The following MCF2L2 variants were observed in gnomAD, a reference collection of about 807,000 sequenced individuals.
MCF2L2 encodes the protein MCF.2 cell line derived transforming sequence-like 2, also known as probable guanine nucleotide exchange factor MCF2L2.
A neutral mutation model predicts 150.2 loss-of-function variants in MCF2L2; 102 were observed. That is an observed-to-expected ratio of 0.68 (90% CI 0.58 to 0.80). The LOEUF (loss-of-function observed/expected upper bound fraction) is 0.80. Among genes scored for constraint, MCF2L2 ranks in the 30% least tolerant of loss-of-function variants. MCF2L2 has a pLI of 0.00. For missense variants in MCF2L2, 1,256 were observed against 1,372.8 expected (o/e 0.91, Z 1.34); for synonymous variants, 465 against 491.3 (o/e 0.95, Z 0.71).
chr3:183,427,465 C>T (rs1360470992), intron 1 of MCF2L2, among the ~76,000 whole-genome samples: 1 of 152,234 alleles, frequency 6.6e-6, no homozygotes, highest in Non-Finnish European at 1.5e-5. Flanking sequence ...CCTCTCCCTG[C>T]ACTTTCTTAT....
At chr3:183,196,215 C>T (rs191618214) in intron 25 of MCF2L2, among the ~76,000 whole-genome samples, 1 of 152,304 alleles carries the variant, frequency 6.6e-6, no homozygotes, top group East Asian at 1.9e-4. Flanking sequence ...ATACAATGTC[C>T]TCTTCTGTCT....
chr3:183,355,571 C>T (rs1020984210), intron 3 of MCF2L2, among the ~76,000 whole-genome samples: 7 of 149,468 alleles, frequency 4.7e-5, no homozygotes, highest in South Asian at 2.1e-4. Flanking sequence ...CTCAGCCTCC[C>T]GAGTAGCTGG....
At chr3:183,317,454 C>T (rs1283177611) in intron 7 of MCF2L2, among the ~76,000 whole-genome samples, 1 of 152,168 alleles carries the variant, frequency 6.6e-6, no homozygotes, top group East Asian at 1.9e-4. Flanking sequence ...ACCTGCCAAG[C>T]TCCCTTTTCT....
Position 183,259,754 on chromosome 3 carries a change from T to A in MCF2L2, c.1862+17118A>T, listed in dbSNP as rs376417725. Reference sequence around the variant, plus strand: ...TTTGGATCTCCATCCTTGGAGTCCCTGAATCTTTTTTGTGGTTGAAAGACT... The same window carrying A: ...TTTGGATCTCCATCCTTGGAGTCCCAGAATCTTTTTTGTGGTTGAAAGACT... On this transcript the variant is annotated intron_variant, in intron 15 of 29. Coordinates refer to ENST00000328913, the MANE Select transcript of MCF2L2 (RefSeq NM_015078.4). Among the ~76,000 whole-genome samples the A allele has an allele frequency of 2.0e-4, 30 of 152,254 alleles. No individual in the cohort carries two copies. In the South Asian group the frequency reaches 5.8e-3, roughly 29 times the overall value.
chr3:183,248,356 A>T (rs199534266), intron 15 of MCF2L2, among the ~76,000 whole-genome samples: 1 of 152,160 alleles, frequency 6.6e-6, no homozygotes, highest in East Asian at 1.9e-4. Flanking sequence ...TGCTATAAGG[A>T]AAATCTCAGC....
At chr3:183,391,711 T>C (rs1714164013) in intron 1 of MCF2L2, among the ~76,000 whole-genome samples, 1 of 152,188 alleles carries the variant, frequency 6.6e-6, no homozygotes, top group South Asian at 2.1e-4. Context: ...TCTTGCTACG[T>C]TTCAAATTTT....
intron 15 of MCF2L2, among the ~76,000 whole-genome samples, chr3:183,240,487 G>A (rs574403457): frequency 6.6e-6 from 1 of 152,312 alleles, no homozygotes; most frequent in African/African-American, 2.4e-5. Context: ...CAAAGTGCTG[G>A]GATTACAGGT....
Position 183,428,062 on chromosome 3 carries a change from GC to G in MCF2L2, c.-86del. On this transcript the variant is annotated 5_prime_UTR_variant, in exon 1 of 30. Transcript: ENST00000328913. This position sits in a 1 kb window ranked among gnomAD's most constrained non-coding sequence, Gnocchi z 5.1. ...TGGATGATTTTTTAAAGGCATCTCC[GC>G]CCAAGGATGCTCTGCCCTCGCCCTC... 1.0e-6 allele frequency: 1 copy of G among 997,586 alleles called. No individual in the cohort carries two copies. The highest frequency in any genetic ancestry group is 2.4e-5 in the East Asian group (1 of 41,864). 61.8% of individuals were successfully genotyped at this position (997,586 alleles called of 1,614,324 possible).
At chr3:183,327,628 T>C (rs1730106227) in intron 5 of MCF2L2, among the ~76,000 whole-genome samples, 1 of 152,220 alleles carries the variant, frequency 6.6e-6, no homozygotes, top group Non-Finnish European at 1.5e-5. Context: ...AAGCACGTAG[T>C]TTACTATGTC....
chr3:183,320,249 C>T (rs1379457227), intron 6 of MCF2L2, among the ~76,000 whole-genome samples: 3 of 152,036 alleles, frequency 2.0e-5, no homozygotes, highest in Admixed American at 6.6e-5. Flanking sequence ...CCCGCCACCA[C>T]GCCCAGCTAA....
chr3:183,383,882 G>A (rs762246972), intron 2 of MCF2L2, among the ~76,000 whole-genome samples: 2 of 152,118 alleles, frequency 1.3e-5, no homozygotes, highest in Non-Finnish European at 2.9e-5. Flanking sequence ...TGTTAAGTTT[G>A]TTCAAATGAC....
At chr3:183,245,662 T>C (rs1007932525) in intron 15 of MCF2L2, among the ~76,000 whole-genome samples, 3 of 152,156 alleles carry the variant, frequency 2.0e-5, no homozygotes, top group Admixed American at 6.5e-5. Context: ...TGTTCTTAAG[T>C]TTTACATCCT....
rs111311322 is a variant in MCF2L2 at position 183,250,594 on chromosome 3, G to GAA, written c.1863-19579_1863-19578dup. ...AGAGCGATACTTCGTTTCAAAAAAA[G>GAA]AAAAAAAAAAAAAAGAAAGAAATGT... is the stretch of plus-strand genomic sequence containing the variant. On this transcript the variant is annotated intron_variant, in intron 15 of 29. Coordinates refer to ENST00000328913, the MANE Select transcript of MCF2L2 (RefSeq NM_015078.4). Among the ~76,000 whole-genome samples, 9 of 104,248 alleles carry GAA rather than the reference G, an allele frequency of 8.6e-5. No homozygotes were observed. In the East Asian group the frequency reaches 1.0e-3, roughly 12 times the overall value. 68.4% of individuals were successfully genotyped at this position (104,248 alleles called of 152,430 possible).
At chr3:183,348,822 A>T (rs1731002042) in intron 3 of MCF2L2, among the ~76,000 whole-genome samples, 1 of 152,228 alleles carries the variant, frequency 6.6e-6, no homozygotes, top group South Asian at 2.1e-4. Flanking sequence ...AAGACATAAG[A>T]ATCCTAAATG....
At chr3:183,228,965 G>A (rs1723451889) in intron 17 of MCF2L2, among the ~76,000 whole-genome samples, 1 of 152,070 alleles carries the variant, frequency 6.6e-6, no homozygotes, top group African/African-American at 2.4e-5. Context: ...AACTTCTCTG[G>A]GGAAATCAAC....
At chr3:183,416,483 G>A (rs1715595142) in intron 1 of MCF2L2, among the ~76,000 whole-genome samples, 1 of 152,042 alleles carries the variant, frequency 6.6e-6, no homozygotes, top group Non-Finnish European at 1.5e-5. Context: ...ATTATATGCA[G>A]ACATTCCTCA....
At chr3:183,231,801 T>C (rs745323881) in intron 15 of MCF2L2, among the ~76,000 whole-genome samples, 2 of 152,124 alleles carry the variant, frequency 1.3e-5, no homozygotes, top group Non-Finnish European at 2.9e-5. Flanking sequence ...TTGTTGTACA[T>C]GGGGTTAGAT....
chr3:183,386,486 C>T (rs779557205), intron 2 of MCF2L2, among the ~76,000 whole-genome samples: 8 of 152,214 alleles, frequency 5.3e-5, no homozygotes, highest in Non-Finnish European at 8.8e-5. Flanking sequence ...TTCTACCAGC[C>T]GTGGGAACAC....
rs893691977 is a variant in MCF2L2 at position 183,317,769 on chromosome 3, C to T, written c.753+299G>A. Among the ~76,000 whole-genome samples the T allele has an allele frequency of 3.9e-5, 6 of 152,138 alleles. No individual in the cohort carries two copies. The East Asian group carries it at 9.6e-4, about 24-fold the overall frequency. On this transcript the variant is annotated intron_variant, in intron 7 of 29. Coordinates refer to ENST00000328913, the MANE Select transcript of MCF2L2 (RefSeq NM_015078.4). ...GGGTGCTCACATGCCTCAGCTCACC[C>T]GGACAAAGCTGGAAAAGCCCTTCCC...
Sources: allele counts gnomAD v4.1 joint callset (sites outside exome capture counted in the v4.1 genomes callset), GRCh38; gene constraint gnomAD v4.1.1; non-coding constraint Gnocchi (gnomAD v3.1); transcripts MANE v1.5; gene names NCBI Gene and HGNC (gene_info 2026-07-23, HGNC 2026-07-21).